PAX5: variants seen among roughly 807,000 people sequenced by gnomAD.
PAX5 encodes the protein paired box protein Pax-5.
A neutral mutation model predicts 43.7 loss-of-function variants in PAX5; 9 were observed. The observed-to-expected ratio is 0.21, with a 90% CI of 0.12 to 0.36. The LOEUF is 0.36. Among genes scored for constraint, PAX5 ranks in the 10% least tolerant of loss-of-function variants. The pLI, the probability that PAX5 is intolerant of heterozygous loss-of-function variation, is 1.00. For missense variants in PAX5, 383 were observed against 532.7 expected (o/e 0.72, Z 2.77); for synonymous variants, 228 against 214.3 (o/e 1.06, Z -0.56).
At chr9:36,925,347 G>C (rs1375745746) in intron 6 of PAX5, among the ~76,000 whole-genome samples, 1 of 152,134 alleles carries the variant, frequency 6.6e-6, no homozygotes, top group African/African-American at 2.4e-5. Flanking sequence ...AGCAAGCCCA[G>C]GTCCTTCTAA....
At chr9:37,020,090 G>C (rs1350645023) in intron 2 of PAX5, among the ~76,000 whole-genome samples, 1 of 128,770 alleles carries the variant, frequency 7.8e-6, no homozygotes, top group Non-Finnish European at 1.6e-5. Context: ...TTGAAAGTTG[G>C]TGTTTGGGTT....
intron 7 of PAX5, among the ~76,000 whole-genome samples, chr9:36,893,918 A>C (rs1827629174): frequency 6.6e-6 from 1 of 152,246 alleles, no homozygotes; most frequent in East Asian, 1.9e-4. Flanking sequence ...CTGATAGGAC[A>C]AACCAGTGTT....
intron 5 of PAX5, among the ~76,000 whole-genome samples, chr9:36,984,464 G>A (rs4880046): frequency 0.73 from 84,587 of 115,696 alleles, 30,801 homozygotes; most frequent in South Asian, 0.86. Context: ...TTTTGAGATG[G>A]AGTTTCGCTC....
chr9:36,983,839 T>C (rs1250095001), intron 5 of PAX5, among the ~76,000 whole-genome samples: 1 of 152,204 alleles, frequency 6.6e-6, no homozygotes, highest in Admixed American at 6.5e-5. Flanking sequence ...CCTTCAAGAC[T>C]ATCCCATATT....
chr9:36,995,660 T>C (rs1413052389), intron 5 of PAX5, among the ~76,000 whole-genome samples: 3 of 152,148 alleles, frequency 2.0e-5, no homozygotes, highest in Non-Finnish European at 2.9e-5. Flanking sequence ...TTTGGGGGTT[T>C]TGCTGTGTGA....
In PAX5 at chr9:36,891,926, G is replaced by T. The variant is rs114870466; in HGVS notation, c.911-9821C>A. Among the ~76,000 whole-genome samples the T allele has an allele frequency of 6.3e-3, 964 of 152,200 alleles. 9 individuals are homozygous for T. The highest frequency in any genetic ancestry group is 0.021 in the African/African-American group (852 of 41,522). On this transcript the variant is annotated intron_variant, in intron 7 of 9. Transcript: ENST00000358127. ...CCTCACTCCTTCCTCTGAATTGACCGCACCCACCTCCCTGGAATCTCTGGA... is the reference window on the plus strand; with the variant it reads ...CCTCACTCCTTCCTCTGAATTGACCTCACCCACCTCCCTGGAATCTCTGGA...
intron 8 of PAX5, among the ~76,000 whole-genome samples, chr9:36,879,712 G>A (rs77282628): frequency 0.023 from 3,435 of 152,316 alleles, 120 homozygotes; most frequent in African/African-American, 0.076. Context: ...TGCCCCCCTT[G>A]CAGGACTGTT....
intron 6 of PAX5, among the ~76,000 whole-genome samples, chr9:36,947,678 A>G (rs1832653964): frequency 1.3e-5 from 2 of 152,006 alleles, no homozygotes; most frequent in African/African-American, 4.8e-5. Context: ...ATGATGTTTC[A>G]TTATATTATA....
intron 5 of PAX5, 58 bp downstream of exon 5, chr9:37,002,590 C>T (rs542630885): frequency 1.9e-6 from 3 of 1,562,732 alleles, no homozygotes; most frequent in East Asian, 2.3e-5. Flanking sequence ...CGCGACCGAG[C>T]GCCGGAAACA....
At chr9:36,933,721 C>A (rs1298363136) in intron 6 of PAX5, among the ~76,000 whole-genome samples, 1 of 152,212 alleles carries the variant, frequency 6.6e-6, no homozygotes, top group South Asian at 2.1e-4. Context: ...TTCTTTAAAC[C>A]TGGACACACA....
At chr9:37,023,683 C>G (rs1840045223) in intron 1 of PAX5, among the ~76,000 whole-genome samples, 1 of 152,186 alleles carries the variant, frequency 6.6e-6, no homozygotes, top group East Asian at 1.9e-4. Context: ...CCAATACCCC[C>G]AAAGACCATG....
intron 9 of PAX5, among the ~76,000 whole-genome samples, 180 bp from the exon 10 acceptor site, chr9:36,840,816 G>C (rs913460025): frequency 2.6e-5 from 4 of 152,122 alleles, no homozygotes; most frequent in Non-Finnish European, 4.4e-5. Flanking sequence ...CTGCTCATAA[G>C]ATTTCGAGGC....
intron 5 of PAX5, among the ~76,000 whole-genome samples, chr9:36,986,108 C>T (rs1482110080): frequency 6.6e-6 from 1 of 151,926 alleles, no homozygotes; most frequent in Non-Finnish European, 1.5e-5. Context: ...CCCCGGCGCG[C>T]ATCATCTGCT....
chr9:36,997,610 A>G (rs73438949), intron 5 of PAX5, among the ~76,000 whole-genome samples: 1,576 of 152,284 alleles, frequency 0.01, 33 homozygotes, highest in African/African-American at 0.035. Context: ...GTGCTGACTC[A>G]GCCTCCATTC....
intron 5 of PAX5, among the ~76,000 whole-genome samples, chr9:36,978,519 T>TAAAC: frequency 6.6e-6 from 1 of 152,060 alleles, no homozygotes; most frequent in Admixed American, 6.5e-5. Context: ...AATAAATAAA[T>TAAAC]AAATAAAAGG....
chr9:36,961,757 C>T (rs1417960317), intron 6 of PAX5, among the ~76,000 whole-genome samples: 1 of 152,126 alleles, frequency 6.6e-6, no homozygotes, highest in African/African-American at 2.4e-5. Flanking sequence ...CCGACGACAA[C>T]GTCAACGGGA....
At chr9:36,909,520 G>A (rs1413886184) in intron 7 of PAX5, among the ~76,000 whole-genome samples, 7 of 152,232 alleles carry the variant, frequency 4.6e-5, no homozygotes, top group Non-Finnish European at 1.0e-4. Context: ...AGAGCCTGTG[G>A]GCTGCCCTTC....
At chr9:36,958,091 A>C (rs1833640350) in intron 6 of PAX5, among the ~76,000 whole-genome samples, 1 of 152,176 alleles carries the variant, frequency 6.6e-6, no homozygotes, top group African/African-American at 2.4e-5. Flanking sequence ...CTATCAGAAA[A>C]GCTGCTTTCT....
intron 6 of PAX5, among the ~76,000 whole-genome samples, chr9:36,962,298 C>T (rs1227716227): frequency 6.6e-6 from 1 of 152,220 alleles, no homozygotes; most frequent in Non-Finnish European, 1.5e-5. Flanking sequence ...CCCCTGGAAT[C>T]GTCCTGGACC....
Sources: allele counts gnomAD v4.1 joint callset (sites outside exome capture counted in the v4.1 genomes callset), GRCh38; gene constraint gnomAD v4.1.1; transcripts MANE v1.5; gene names NCBI Gene and HGNC (gene_info 2026-07-23, HGNC 2026-07-21).